Variants in GPC6 observed in about 807,000 individuals in gnomAD.
GPC6 encodes the protein glypican-6.
GPC6 carries 14 observed loss-of-function variants against 55.2 expected under a neutral mutation model. That is an observed-to-expected ratio of 0.25 (90% CI 0.17 to 0.40). The LOEUF is 0.40. GPC6 is among the 10% of genes least tolerant of loss of function. The pLI, the probability that GPC6 is intolerant of heterozygous loss-of-function variation, is 1.00. For missense variants in GPC6, 641 were observed against 708.5 expected (o/e 0.90, Z 1.08); for synonymous variants, 278 against 259.6 (o/e 1.07, Z -0.68).
At chr13:94,345,694 A>C (rs1453898012) in intron 6 of GPC6, among the ~76,000 whole-genome samples, 1 of 152,212 alleles carries the variant, frequency 6.6e-6, no homozygotes, top group Non-Finnish European at 1.5e-5. Flanking sequence ...TCTTGAGAAC[A>C]TCCACCTGTC....
chr13:93,422,527 A>G (rs2139261357), intron 1 of GPC6, among the ~76,000 whole-genome samples: 1 of 152,324 alleles, frequency 6.6e-6, no homozygotes, highest in East Asian at 1.9e-4. Context: ...GAAAACAAAA[A>G]TCACCTACAA....
intron 2 of GPC6, among the ~76,000 whole-genome samples, chr13:93,777,800 T>A (rs1885517580): frequency 6.6e-6 from 1 of 152,224 alleles, no homozygotes; most frequent in Non-Finnish European, 1.5e-5. Flanking sequence ...ACATTATGTC[T>A]ACATCTGTAT....
intron 3 of GPC6, among the ~76,000 whole-genome samples, chr13:93,938,649 A>T (rs1338487736): frequency 6.6e-6 from 1 of 152,222 alleles, no homozygotes; most frequent in Non-Finnish European, 1.5e-5. Context: ...TTGATGTTCT[A>T]AGAGCTTTTG....
chr13:93,269,609 C>T (rs1203286166), intron 1 of GPC6, among the ~76,000 whole-genome samples: 1 of 151,838 alleles, frequency 6.6e-6, no homozygotes, highest in Non-Finnish European at 1.5e-5. Context: ...GCTAGAAGAT[C>T]AACAGAAGCC....
intron 3 of GPC6, among the ~76,000 whole-genome samples, chr13:93,988,773 G>T (rs1424048070): frequency 6.6e-6 from 1 of 152,148 alleles, no homozygotes; most frequent in African/African-American, 2.4e-5. Context: ...TGGGGATTAC[G>T]GGGGACACAA....
rs1555339941 is a variant in GPC6, at chr13:93,895,235, T to TGTGTGTGTGTGTAC, written c.711+64690_711+64691insGTGTGTGTGTGTAC. On this transcript the variant is annotated intron_variant, in intron 3 of 8. Transcript: ENST00000377047. ...GTGTGTGTATGTATGTGTGTGTGTG[T>TGTGTGTGTGTGTAC]ATATATATATATATATATATATATA... is the stretch of plus-strand genomic sequence containing the variant. Among the ~76,000 whole-genome samples, 6 of 19,462 alleles carry TGTGTGTGTGTGTAC rather than the reference T, an allele frequency of 3.1e-4. 1 individual carries two copies. Among genetic ancestry groups the TGTGTGTGTGTGTAC allele is most frequent in the African/African-American group, 1.3e-3 (6 of 4,740 alleles). The allele number at this position is 19,462 out of a possible 152,430, so 12.8% of individuals were successfully genotyped here.
At chr13:93,338,594 AG>A (rs1304395750) in intron 1 of GPC6, among the ~76,000 whole-genome samples, 2 of 152,182 alleles carry the variant, frequency 1.3e-5, no homozygotes, top group Non-Finnish European at 2.9e-5. Context: ...AAGTAGGCTG[AG>A]AAGAAAAATG....
intron 2 of GPC6, among the ~76,000 whole-genome samples, chr13:93,717,717 A>G (rs1348001661): frequency 6.6e-6 from 1 of 151,554 alleles, no homozygotes; most frequent in East Asian, 1.9e-4. Flanking sequence ...GCACCCATCA[A>G]CCAGTCATGT....
At chr13:93,941,432 T>G (rs1220005226) in intron 3 of GPC6, among the ~76,000 whole-genome samples, 1 of 152,160 alleles carries the variant, frequency 6.6e-6, no homozygotes, top group Non-Finnish European at 1.5e-5. Context: ...CCATATAAAT[T>G]CATCAGAGGA....
intron 1 of GPC6, among the ~76,000 whole-genome samples, chr13:93,500,024 G>A (rs1218148465): frequency 6.6e-6 from 1 of 152,178 alleles, no homozygotes; most frequent in Non-Finnish European, 1.5e-5. Context: ...GCCGTGGAAA[G>A]TCATCACTCT....
At chr13:93,918,170 C>T (rs866074401) in intron 3 of GPC6, among the ~76,000 whole-genome samples, 5 of 151,754 alleles carry the variant, frequency 3.3e-5, no homozygotes, top group Admixed American at 6.6e-5. Flanking sequence ...AGCTGATAGG[C>T]CATCATAAGT....
intron 3 of GPC6, among the ~76,000 whole-genome samples, chr13:93,861,945 C>T (rs920744913): frequency 5.9e-5 from 9 of 151,652 alleles, no homozygotes; most frequent in Admixed American, 2.0e-4. Context: ...GATAAGGAGA[C>T]ATGCCTGCCC....
At chr13:93,269,954 T>G (rs1594063673) in intron 1 of GPC6, among the ~76,000 whole-genome samples, 1 of 138,906 alleles carries the variant, frequency 7.2e-6, no homozygotes, top group Non-Finnish European at 1.6e-5. Context: ...TTAAAAGAGA[T>G]ATGAGTAAGT....
chr13:94,104,002 T>G (rs1885963677), intron 4 of GPC6, among the ~76,000 whole-genome samples: 1 of 152,204 alleles, frequency 6.6e-6, no homozygotes, highest in African/African-American at 2.4e-5. Context: ...TCTTCTAGGC[T>G]TTTTATGGTT....
At chr13:93,274,649 C>T (rs908610583) in intron 1 of GPC6, among the ~76,000 whole-genome samples, 1 of 152,118 alleles carries the variant, frequency 6.6e-6, no homozygotes, top group Non-Finnish European at 1.5e-5. Context: ...ACAAATAGAA[C>T]CTGCCTTCAG....
chr13:94,006,720 G>A (rs1046975371), intron 3 of GPC6, among the ~76,000 whole-genome samples: 1 of 152,124 alleles, frequency 6.6e-6, no homozygotes, highest in East Asian at 1.9e-4. Context: ...TGAGTTGCAC[G>A]ACTTTGGACA....
Position 94,063,588 on chromosome 13 carries a change from G to A in GPC6, c.877+35694G>A, listed in dbSNP as rs1222428914. Reference sequence around the variant, plus strand: ...ACATTGAGTTTTCTCACAGTGTCCTGTGGAGAGGACCATGAAGTAATATAT... The same window carrying A: ...ACATTGAGTTTTCTCACAGTGTCCTATGGAGAGGACCATGAAGTAATATAT... On this transcript the variant is annotated intron_variant, in intron 4 of 8. Transcript: ENST00000377047. Among the ~76,000 whole-genome samples the A allele has an allele frequency of 3.9e-5, 6 of 152,166 alleles. No homozygotes were observed. In the East Asian group the frequency reaches 9.6e-4, roughly 24 times the overall value.
chr13:93,570,694 C>T (rs2139473865), intron 2 of GPC6, among the ~76,000 whole-genome samples: 1 of 152,224 alleles, frequency 6.6e-6, no homozygotes, highest in South Asian at 2.1e-4. Context: ...AACTTTTTCA[C>T]ACAGTTAGAG....
intron 4 of GPC6, among the ~76,000 whole-genome samples, chr13:94,076,941 A>G (rs1032956436): frequency 6.9e-6 from 1 of 145,754 alleles, no homozygotes; most frequent in Non-Finnish European, 1.5e-5. Context: ...TTTTTCCTCA[A>G]GATCACTCTG....
Sources: gnomAD v4.1 joint callset for allele counts (sites outside exome capture counted in the v4.1 genomes callset) on GRCh38, gnomAD v4.1.1 for gene constraint, MANE v1.5 for transcripts, NCBI Gene and HGNC (gene_info 2026-07-23, HGNC 2026-07-21) for gene names.